NAALAD2: variants seen among roughly 807,000 people sequenced by gnomAD.
NAALAD2 encodes the protein N-acetylated-alpha-linked acidic dipeptidase 2.
In NAALAD2, 89 loss-of-function variants were observed where a neutral mutation model predicts 95.6. The ratio of observed to expected loss-of-function variants is 0.93; its 90% CI spans 0.78 to 1.11. The LOEUF (loss-of-function observed/expected upper bound fraction) is 1.11. Among genes scored for constraint, NAALAD2 ranks in the 50% least tolerant of loss-of-function variants. NAALAD2 has a pLI of 0.00. For missense variants in NAALAD2, 894 were observed against 872.4 expected (o/e 1.02, Z -0.31); for synonymous variants, 264 against 294.4 (o/e 0.90, Z 1.06).
In NAALAD2 at chr11:90,181,673, A is replaced by G; in HGVS notation, c.1912A>G (p.Lys638Glu). 8 of 1,606,348 alleles carry G rather than the reference A, an allele frequency of 5.0e-6. No homozygotes were observed. The highest frequency in any genetic ancestry group is 6.8e-6 in the Non-Finnish European group (8 of 1,176,092). Residue 638 changes from lysine to glutamate, a missense_variant, in exon 17 of 19, where the codon AAA (lysine) becomes GAA (glutamate). By Grantham distance (56) the Lys-to-Glu change is moderately conservative. Coordinates refer to ENST00000534061, the MANE Select transcript of NAALAD2 (RefSeq NM_005467.4). ...NFSEAASDFH[K>E]RLIQVDLNNP... ...CTCAGAGGCTGCTTCAGATTTTCAT[A>G]AACGACTTATACAAGTTGATCTTAA... is the stretch of plus-strand genomic sequence containing the variant.
intron 2 of NAALAD2, among the ~76,000 whole-genome samples, chr11:90,142,741 A>C (rs1218810955): frequency 6.6e-6 from 1 of 152,094 alleles, no homozygotes; most frequent in East Asian, 1.9e-4. Flanking sequence ...ATTAAACTTA[A>C]GTCTGCCACT....
intron 8 of NAALAD2, among the ~76,000 whole-genome samples, chr11:90,161,331 C>T (rs556766060): frequency 1.3e-5 from 2 of 152,160 alleles, no homozygotes; most frequent in African/African-American, 2.4e-5. Context: ...CTTCTCTTTA[C>T]AGAGCTGTAA....
Position 90,150,553 on chromosome 11 carries a change from CT to C in NAALAD2, c.556del (p.Cys186ValfsTer24). On this transcript the variant is annotated frameshift_variant, in exon 5 of 19. Coordinates refer to ENST00000534061, the MANE Select transcript of NAALAD2 (RefSeq NM_005467.4). LOFTEE classifies it high-confidence loss of function. ...FKLEREMGIN[C>X]TGKIVIARYG... is the part of the protein sequence containing the mutation. Reference sequence around the variant, plus strand: ...AACTAGAAAGAGAGATGGGCATCAACTGTACTGGGAAGATTGTTATTGCAAG... The same window carrying C: ...AACTAGAAAGAGAGATGGGCATCAACGTACTGGGAAGATTGTTATTGCAAG... The C allele has an allele frequency of 6.2e-7, 1 of 1,609,142 alleles. No homozygotes were observed. Among genetic ancestry groups the C allele is most frequent in the Non-Finnish European group, 8.5e-7 (1 of 1,176,466 alleles).
chr11:90,182,607 GC>G (rs1285032996), intron 17 of NAALAD2, among the ~76,000 whole-genome samples: 7 of 149,086 alleles, frequency 4.7e-5, no homozygotes, highest in African/African-American at 1.5e-4. Flanking sequence ...CACTTTGTCT[GC>G]CTTTCCAGGA....
chr11:90,171,925 TC>T (rs1591010335), intron 13 of NAALAD2, among the ~76,000 whole-genome samples: 1 of 151,828 alleles, frequency 6.6e-6, no homozygotes, highest in African/African-American at 2.4e-5. Context: ...TGCCTATAGT[TC>T]CAGCTGAGGC....
At chr11:90,154,046 TCTC>T (rs1371443555) in intron 6 of NAALAD2, among the ~76,000 whole-genome samples, 3 of 147,760 alleles carry the variant, frequency 2.0e-5, no homozygotes, top group Non-Finnish European at 4.5e-5. Flanking sequence ...TCTCTCTCTC[TCTC>T]TCTCTGTCTC....
intron 11 of NAALAD2, among the ~76,000 whole-genome samples, chr11:90,167,582 C>G (rs986308389): frequency 6.6e-6 from 1 of 152,188 alleles, no homozygotes; most frequent in African/African-American, 2.4e-5. Flanking sequence ...GTGGGATCCA[C>G]TGAGTGAAGC....
At chr11:90,139,840 C>A (rs1268414079) in intron 2 of NAALAD2, among the ~76,000 whole-genome samples, 2 of 146,014 alleles carry the variant, frequency 1.4e-5, no homozygotes, top group African/African-American at 2.6e-5. Flanking sequence ...GCCATGACAG[C>A]TTCACAAACT....
chr11:90,135,174 G>A (rs1240415288), intron 1 of NAALAD2: 10 of 320,412 alleles, frequency 3.1e-5, no homozygotes, highest in Non-Finnish European at 5.1e-5. Flanking sequence ...ACTAATACGG[G>A]CAGCATTAAA....
chr11:90,168,175 C>G (rs182930648), intron 11 of NAALAD2, among the ~76,000 whole-genome samples: 1 of 152,132 alleles, frequency 6.6e-6, no homozygotes, highest in African/African-American at 2.4e-5. Context: ...TAACACTCAC[C>G]GTGAAGGTCT....
At chr11:90,132,360 A>G (rs1951365184), upstream of NAALAD2, among the ~76,000 whole-genome samples, 1 of 152,244 alleles carries the variant, frequency 6.6e-6, no homozygotes, top group Admixed American at 6.5e-5. Flanking sequence ...AATAAATTTA[A>G]TAAATAGCTT....
intron 2 of NAALAD2, among the ~76,000 whole-genome samples, chr11:90,138,169 G>A (rs1389002077): frequency 6.6e-6 from 1 of 152,018 alleles, no homozygotes; most frequent in Non-Finnish European, 1.5e-5. Context: ...CTAGAGAAAA[G>A]AAAATGATTT....
chr11:90,167,278 C>T (rs1040935659), intron 11 of NAALAD2, among the ~76,000 whole-genome samples: 29 of 152,148 alleles, frequency 1.9e-4, no homozygotes, highest in African/African-American at 3.6e-4. Context: ...GGCCCGCCCT[C>T]GGAGGCGCCG....
intron 18 of NAALAD2, among the ~76,000 whole-genome samples, chr11:90,186,326 A>G (rs1591031800): frequency 3.9e-5 from 6 of 152,018 alleles, no homozygotes; most frequent in African/African-American, 1.2e-4. Flanking sequence ...ATGATTTCCA[A>G]TTTCATCCAT....
rs190374425 is a variant in NAALAD2 at position 90,183,740 on chromosome 11, T to G, written c.2033+732T>G. Among the ~76,000 whole-genome samples, 425 of 152,264 alleles carry G rather than the reference T, an allele frequency of 2.8e-3. 3 individuals carry two copies. The highest frequency in any genetic ancestry group is 9.9e-3 in the African/African-American group (412 of 41,578). On this transcript the variant is annotated intron_variant, in intron 18 of 18. Coordinates refer to ENST00000534061, the MANE Select transcript of NAALAD2 (RefSeq NM_005467.4). ...TAGAATAGGCTTTGCATTAGATAAT[T>G]TTGCCCAACTGTAGGCTAATGTAAG...
At chr11:90,138,147 C>A (rs753320813) in intron 2 of NAALAD2, among the ~76,000 whole-genome samples, 10 of 151,938 alleles carry the variant, frequency 6.6e-5, no homozygotes, top group South Asian at 2.1e-4. Context: ...TGTATTCTTA[C>A]AATAAAGTAA....
In NAALAD2 at chr11:90,192,397, T is replaced by C. The variant is rs1857356893; in HGVS notation, c.*650T>C. 6.6e-6 allele frequency: 1 copy of C among 152,046 alleles called. No homozygotes were observed. Among genetic ancestry groups the C allele is most frequent in the Admixed American group, 6.6e-5 (1 of 15,262 alleles). The allele number at this position is 152,046 out of a possible 1,614,324, so 9.4% of individuals were successfully genotyped here. A position where few individuals can be genotyped will look rare whatever the true frequency, so the allele number is the denominator to read the frequency against. ...AAAATATGTTTCTATTTAGATGAAG[T>C]GGCAAACTAATCTGTAGTGTTAAAA... On this transcript the variant is annotated 3_prime_UTR_variant, in exon 19 of 19. Transcript: ENST00000534061.
chr11:90,175,631 AAAC>A (rs1952767438), intron 14 of NAALAD2, among the ~76,000 whole-genome samples: 1 of 152,140 alleles, frequency 6.6e-6, no homozygotes, highest in Admixed American at 6.5e-5. Context: ...TTTCCCCTCT[AAAC>A]AAAAATGTAA....
At position 90,178,052 on chromosome 11, in the gene NAALAD2, C is replaced by T; in HGVS notation, c.1793C>T (p.Ala598Val). The T allele has an allele frequency of 6.2e-7, 1 of 1,613,686 alleles. No individual in the cohort carries two copies. The highest frequency in any genetic ancestry group is 8.5e-7 in the Non-Finnish European group (1 of 1,179,762). The change falls in exon 16 of 19, where the codon GCA becomes GTA. Residue 598 changes from alanine (A) to valine (V), a missense_variant. By Grantham distance (64) the Ala-to-Val change is moderately conservative. Coordinates refer to ENST00000534061, the MANE Select transcript of NAALAD2 (RefSeq NM_005467.4). Reference sequence around the variant, plus strand: ...TATGCAGAAGCTTTGAAAAACTATGCAGCAAGTATCTATAATCTATCTAAG... The same window carrying T: ...TATGCAGAAGCTTTGAAAAACTATGTAGCAAGTATCTATAATCTATCTAAG... ...QDYAEALKNY[A>V]ASIYNLSKKH...
Sources: allele counts gnomAD v4.1 joint callset (sites outside exome capture counted in the v4.1 genomes callset), GRCh38; gene constraint gnomAD v4.1.1; transcripts MANE v1.5; gene names NCBI Gene and HGNC (gene_info 2026-07-23, HGNC 2026-07-21).